Variants in RASSF8 observed in about 807,000 individuals in gnomAD.
The protein encoded by RASSF8 is Ras association domain family member 8.
In RASSF8, 22 loss-of-function variants were observed where a neutral mutation model predicts 48.5. The observed-to-expected ratio is 0.45, with a 90% CI of 0.32 to 0.65. RASSF8 has a LOEUF of 0.65. Among genes scored for constraint, RASSF8 ranks in the 30% least tolerant of loss-of-function variants. The probability of loss-of-function intolerance (pLI) is 0.03; values close to 1 mark genes in which losing one functional copy is unlikely to be tolerated. For missense variants in RASSF8, 418 were observed against 489.2 expected (o/e 0.85, Z 1.37); for synonymous variants, 127 against 171.5 (o/e 0.74, Z 2.03).
chr12:26,019,912 G>A (rs1162337000), intron 2 of RASSF8, among the ~76,000 whole-genome samples: 1 of 151,942 alleles, frequency 6.6e-6, no homozygotes, highest in Admixed American at 6.6e-5. Flanking sequence ...TAAACTATGT[G>A]TCTCTGAGGT....
At position 26,071,263 on chromosome 12, in the gene RASSF8, A is replaced by C. The variant is rs57556987; in HGVS notation, c.*2445A>C. 7.7e-4 allele frequency: 756 copies of C among 984,442 alleles called. 5 individuals carry two copies. The African/African-American group carries it at 0.011, about 14-fold the overall frequency. The allele number at this position is 984,442 out of a possible 1,614,324, so 61.0% of individuals were successfully genotyped here. On this transcript the variant is annotated 3_prime_UTR_variant, in exon 6 of 6. Coordinates refer to ENST00000689635, the MANE Select transcript of RASSF8 (RefSeq NM_001394098.1). The stretch of plus-strand genomic sequence containing the variant: ...GATCATTTTTATCTATTGCAAATAC[A>C]AATGAATTAGATAAGTGCCACATCC...
Position 26,054,735 on chromosome 12 carries a change from T to TTTTG in RASSF8, c.-108-485_-108-482dup, listed in dbSNP as rs372354549. ...TAGGAAGGCAGACAGGTAGCAGTTTTTTTGTTTGTTTGTTTGTTTTAAATC... is the reference window on the plus strand; with the variant it reads ...TAGGAAGGCAGACAGGTAGCAGTTTTTTTGTTTGTTTGTTTGTTTGTTTTAAATC... On this transcript the variant is annotated intron_variant, in intron 2 of 5. Coordinates refer to ENST00000689635, the MANE Select transcript of RASSF8 (RefSeq NM_001394098.1). 4.5e-3 allele frequency among the ~76,000 whole-genome samples: 682 copies of TTTTG among 152,230 alleles called. 4 individuals are homozygous for TTTTG. Among genetic ancestry groups the TTTTG allele is most frequent in the African/African-American group, 0.016 (652 of 41,544 alleles).
At chr12:26,059,805 G>T (rs1943699060) in intron 3 of RASSF8, among the ~76,000 whole-genome samples, 1 of 152,176 alleles carries the variant, frequency 6.6e-6, no homozygotes, top group Non-Finnish European at 1.5e-5. Context: ...TTAACGAACA[G>T]CTCCCAAAAT....
intron 2 of RASSF8, among the ~76,000 whole-genome samples, chr12:26,030,443 T>G (rs923969972): frequency 6.6e-6 from 1 of 152,178 alleles, no homozygotes; most frequent in Non-Finnish European, 1.5e-5. Context: ...TAGGATGACT[T>G]TTTAAAACCA....
intron 2 of RASSF8, among the ~76,000 whole-genome samples, chr12:26,017,916 C>G (rs1942690397): frequency 6.6e-6 from 1 of 152,232 alleles, no homozygotes; most frequent in South Asian, 2.1e-4. Flanking sequence ...CAGAGGCAAT[C>G]ATTAACAGCC....
At chr12:25,996,534 T>C (rs535450013) in intron 2 of RASSF8, among the ~76,000 whole-genome samples, 202 of 152,320 alleles carry the variant, frequency 1.3e-3, no homozygotes, top group African/African-American at 4.6e-3. Flanking sequence ...TCACTAGTAG[T>C]TATCCACTAA....
intron 1 of RASSF8, among the ~76,000 whole-genome samples, chr12:25,975,150 G>A (rs140496343): frequency 6.6e-6 from 1 of 152,304 alleles, no homozygotes; most frequent in Non-Finnish European, 1.5e-5. Context: ...TAAGACTTGA[G>A]GATGAAAGGC....
chr12:25,986,926 T>G (rs1099347), intron 1 of RASSF8, among the ~76,000 whole-genome samples: 38,395 of 146,646 alleles, frequency 0.26, 5,595 homozygotes, highest in African/African-American at 0.38. Flanking sequence ...CGTTTTTTTT[T>G]TTTGTTTGTT....
At chr12:26,025,621 A>G (rs1942894644) in intron 2 of RASSF8, among the ~76,000 whole-genome samples, 1 of 151,778 alleles carries the variant, frequency 6.6e-6, no homozygotes, top group Admixed American at 6.6e-5. Flanking sequence ...CTCTGTTTGC[A>G]GAGAATACTA....
Position 25,958,765 on chromosome 12 carries a change from G to A in RASSF8, c.-586G>A, listed in dbSNP as rs1275282885. 3.4e-5 allele frequency among the ~76,000 whole-genome samples: 5 copies of A among 146,334 alleles called. No individual in the cohort carries two copies. Among genetic ancestry groups the A allele is most frequent in the African/African-American group, 9.8e-5 (4 of 40,750 alleles). On this transcript the variant is annotated 5_prime_UTR_variant, in exon 1 of 6. Coordinates refer to ENST00000689635, the MANE Select transcript of RASSF8 (RefSeq NM_001394098.1). ...CGCCCGCGCTCGTCCGGCGCCCCGC[G>A]CCGCGCCCCGCTCAGCGTCTGCCGC...
chr12:26,045,221 A>G (rs983047118), intron 2 of RASSF8, among the ~76,000 whole-genome samples: 3 of 152,192 alleles, frequency 2.0e-5, no homozygotes, highest in Admixed American at 6.5e-5. Context: ...GGGATCATGC[A>G]TGATTGGTTT....
intron 3 of RASSF8, among the ~76,000 whole-genome samples, chr12:26,056,783 G>A (rs1034252375): frequency 6.6e-6 from 1 of 152,174 alleles, no homozygotes; most frequent in Non-Finnish European, 1.5e-5. Context: ...TTTTGCATTT[G>A]AGAATCTTAT....
chr12:26,059,920 C>T (rs1372967359), intron 3 of RASSF8, among the ~76,000 whole-genome samples: 4 of 152,182 alleles, frequency 2.6e-5, no homozygotes, highest in Admixed American at 6.5e-5. Context: ...TTTTTTGAGA[C>T]GGAGTCTCAC....
At chr12:26,022,495 A>C (rs1337455631) in intron 2 of RASSF8, among the ~76,000 whole-genome samples, 1 of 152,188 alleles carries the variant, frequency 6.6e-6, no homozygotes, top group Non-Finnish European at 1.5e-5. Context: ...ATACACAAGA[A>C]AAACAGTAAA....
intron 2 of RASSF8, among the ~76,000 whole-genome samples, chr12:26,038,719 G>C (rs1943204409): frequency 6.6e-6 from 1 of 151,480 alleles, no homozygotes; most frequent in South Asian, 2.1e-4. Flanking sequence ...GCTCAGTGAA[G>C]CCCTAGCTCC....
intron 1 of RASSF8, among the ~76,000 whole-genome samples, chr12:25,989,584 C>A (rs541841387): frequency 6.6e-6 from 1 of 152,122 alleles, no homozygotes; most frequent in East Asian, 1.9e-4. Context: ...TGATGAAATT[C>A]ATTTTCCAAA....
At chr12:26,074,839 G>A (rs2669563), downstream of RASSF8, among the ~76,000 whole-genome samples, 112,808 of 152,012 alleles carry the variant, frequency 0.74, 42,475 homozygotes, top group Middle Eastern at 0.84. Context: ...TGAAGAGCCC[G>A]GGAGGTCCAA....
At chr12:25,971,440 ACTG>A (rs1941481562) in intron 1 of RASSF8, among the ~76,000 whole-genome samples, 1 of 152,288 alleles carries the variant, frequency 6.6e-6, no homozygotes, top group East Asian at 1.9e-4. Context: ...CACCTTTGGC[ACTG>A]ATCATCCTGT....
At chr12:26,058,319 A>G (rs886378315) in intron 3 of RASSF8, among the ~76,000 whole-genome samples, 1 of 152,206 alleles carries the variant, frequency 6.6e-6, no homozygotes, top group Admixed American at 6.5e-5. Context: ...GTGAGAGTTT[A>G]TTAATTAGAG....
Sources: gnomAD v4.1 joint callset for allele counts (sites outside exome capture counted in the v4.1 genomes callset) on GRCh38, gnomAD v4.1.1 for gene constraint, MANE v1.5 for transcripts, NCBI Gene and HGNC (gene_info 2026-07-23, HGNC 2026-07-21) for gene names.